The following DPP10 variants were observed in gnomAD, a reference collection of about 807,000 sequenced individuals.
The protein encoded by DPP10 is inactive dipeptidyl peptidase 10.
A neutral mutation model predicts 120.9 loss-of-function variants in DPP10; 33 were observed. That is an observed-to-expected ratio of 0.27 (90% confidence interval 0.21 to 0.37). The LOEUF (loss-of-function observed/expected upper bound fraction) is 0.37, where lower values mean the gene tolerates loss of function less well. DPP10 is among the 10% of genes least tolerant of loss of function. DPP10 has a pLI of 1.00. For missense variants in DPP10, 816 were observed against 942.8 expected, an observed-to-expected ratio of 0.87 and a Z score of 1.76; for synonymous variants, 337 against 326.1, an observed-to-expected ratio of 1.03 and a Z score of -0.36.
chr2:115,406,553 T>A (rs1235380139), intron 3 of DPP10, among the ~76,000 whole-genome samples: 2 of 152,168 alleles, frequency 1.3e-5, no homozygotes, highest in Non-Finnish European at 2.9e-5. Flanking sequence ...TGAGACTAAC[T>A]TTAGATTGAA....
intron 3 of DPP10, among the ~76,000 whole-genome samples, chr2:115,455,140 G>A (rs1290662517): frequency 6.6e-6 from 1 of 151,666 alleles, no homozygotes; most frequent in Non-Finnish European, 1.5e-5. Flanking sequence ...ACTACAAAAT[G>A]TTGCTAAAAC....
At chr2:115,833,007 G>C (rs1046015972) in intron 21 of DPP10, among the ~76,000 whole-genome samples, 1 of 152,110 alleles carries the variant, frequency 6.6e-6, no homozygotes, top group Non-Finnish European at 1.5e-5. Context: ...GAATCTGTAT[G>C]CTGACAACAC....
chr2:115,479,813 C>A (rs1415945473), intron 3 of DPP10, among the ~76,000 whole-genome samples: 8 of 152,084 alleles, frequency 5.3e-5, no homozygotes, highest in Non-Finnish European at 1.2e-4. Context: ...TAGAGACTAG[C>A]TCCACTTTTA....
At chr2:115,036,998 G>A (rs1316331089) in intron 1 of DPP10, among the ~76,000 whole-genome samples, 3 of 152,112 alleles carry the variant, frequency 2.0e-5, no homozygotes, top group Non-Finnish European at 1.5e-5. Flanking sequence ...GAAGTAATGG[G>A]AGCCATTGTC....
chr2:115,677,572 G>C (rs897530219), intron 5 of DPP10, among the ~76,000 whole-genome samples: 6 of 152,084 alleles, frequency 3.9e-5, no homozygotes, highest in Admixed American at 2.6e-4. Context: ...AAAGTGAAGA[G>C]ATGGAAAAAG....
intron 1 of DPP10, among the ~76,000 whole-genome samples, chr2:115,267,971 A>T (rs1007521393): frequency 6.6e-6 from 1 of 152,212 alleles, no homozygotes; most frequent in Non-Finnish European, 1.5e-5. Flanking sequence ...AGAGATTTGC[A>T]TAGAGCAGAC....
intron 5 of DPP10, among the ~76,000 whole-genome samples, chr2:115,613,087 G>T (rs918061034): frequency 2.6e-5 from 4 of 152,182 alleles, no homozygotes; most frequent in African/African-American, 9.6e-5. Context: ...TCAAGGAGTT[G>T]CATTCTACTA....
rs1553554644 is a variant in DPP10, at chr2:115,334,230, G to GTTTTTTTTTTTTTGTTTTT, written c.176-9574_176-9573insGTTTTTTTTTTTTTTTTTT. On this transcript the variant is annotated intron_variant, in intron 2 of 25. Transcript: ENST00000410059. Reference sequence around the variant, plus strand: ...TCAGGAATGGACCAGAGCAGACTCTGTTTTTTTTTTTTTTTTAAGAAACCT... The same window carrying GTTTTTTTTTTTTTGTTTTT: ...TCAGGAATGGACCAGAGCAGACTCTGTTTTTTTTTTTTTGTTTTTTTTTTTTTTTTTTTTTAAGAAACCT... Among the ~76,000 whole-genome samples the GTTTTTTTTTTTTTGTTTTT allele has an allele frequency of 6.2e-4, 35 of 56,410 alleles. 6 individuals are homozygous for GTTTTTTTTTTTTTGTTTTT. Among genetic ancestry groups the GTTTTTTTTTTTTTGTTTTT allele is most frequent in the African/African-American group, 1.6e-3 (32 of 20,428 alleles). The allele number at this position is 56,410 out of a possible 152,430, so 37.0% of individuals were successfully genotyped here.
At chr2:115,413,815 G>A (rs2104603280) in intron 3 of DPP10, among the ~76,000 whole-genome samples, 1 of 152,322 alleles carries the variant, frequency 6.6e-6, no homozygotes, top group South Asian at 2.1e-4. Flanking sequence ...GGATGGTGGA[G>A]AGTTTGAGAT....
chr2:115,299,070 G>GAGA (rs1331169775), intron 1 of DPP10, among the ~76,000 whole-genome samples: 2 of 151,964 alleles, frequency 1.3e-5, no homozygotes, highest in African/African-American at 4.8e-5. Flanking sequence ...CATATATTGG[G>GAGA]AGAAGATTGT....
At chr2:115,249,314 T>G (rs979763997) in intron 1 of DPP10, among the ~76,000 whole-genome samples, 2 of 152,118 alleles carry the variant, frequency 1.3e-5, no homozygotes, top group Admixed American at 1.3e-4. Context: ...GGAAAAGCCT[T>G]GTAAAAATTT....
Position 114,538,418 on chromosome 2 carries a change from G to A in DPP10, c.60+95580G>A, listed in dbSNP as rs552227978. On this transcript the variant is annotated intron_variant, in intron 1 of 25. Coordinates refer to ENST00000410059, the MANE Select transcript of DPP10 (RefSeq NM_020868.6). ...TCAGAGAAGGGAATTGAGACTCACA[G>A]AGCTGAAGTGTCCACCTAAAGTCCA... is the stretch of plus-strand genomic sequence containing the variant. Among the ~76,000 whole-genome samples, 4 of 152,306 alleles carry A rather than the reference G, an allele frequency of 2.6e-5. No homozygotes were observed. The East Asian group carries it at 5.8e-4, about 22-fold the overall frequency.
At chr2:115,059,519 A>G (rs747079594) in intron 1 of DPP10, among the ~76,000 whole-genome samples, 4 of 152,110 alleles carry the variant, frequency 2.6e-5, no homozygotes, top group Non-Finnish European at 4.4e-5. Context: ...TGTTCTGAAC[A>G]ATCAGATCAC....
chr2:115,691,802 T>C (rs774111583), intron 7 of DPP10, among the ~76,000 whole-genome samples: 5 of 152,142 alleles, frequency 3.3e-5, no homozygotes, highest in African/African-American at 4.8e-5. Flanking sequence ...CTACAAACAT[T>C]TAATGTATGT....
chr2:115,829,846 G>A (rs943976795), intron 21 of DPP10, among the ~76,000 whole-genome samples: 16 of 152,018 alleles, frequency 1.1e-4, no homozygotes, highest in African/African-American at 3.9e-4. Flanking sequence ...TATGATAATA[G>A]CATATGTAGC....
intron 5 of DPP10, among the ~76,000 whole-genome samples, chr2:115,676,124 T>C (rs1237769504): frequency 1.3e-5 from 2 of 152,188 alleles, no homozygotes; most frequent in Non-Finnish European, 2.9e-5. Context: ...CAATTACATT[T>C]ACTCCAGCAG....
chr2:115,333,505 T>C (rs1416628948), intron 2 of DPP10, among the ~76,000 whole-genome samples: 2 of 152,190 alleles, frequency 1.3e-5, no homozygotes, highest in East Asian at 3.9e-4. Flanking sequence ...GTTGATGCAG[T>C]GTCTTCCTAG....
intron 1 of DPP10, among the ~76,000 whole-genome samples, chr2:114,752,550 G>T (rs1679335841): frequency 1.3e-5 from 2 of 152,152 alleles, no homozygotes; most frequent in African/African-American, 2.4e-5. Flanking sequence ...ATATCAGTTT[G>T]TTACTCACCG....
chr2:115,209,111 A>G (rs922959948), intron 1 of DPP10, among the ~76,000 whole-genome samples: 2 of 152,070 alleles, frequency 1.3e-5, no homozygotes, highest in African/African-American at 4.8e-5. Context: ...AGATGACACT[A>G]TCTTAATCTC....
Sources: gnomAD v4.1 joint callset for allele counts (sites outside exome capture counted in the v4.1 genomes callset) on GRCh38, gnomAD v4.1.1 for gene constraint, MANE v1.5 for transcripts, NCBI Gene and HGNC (gene_info 2026-07-23, HGNC 2026-07-21) for gene names.